SPTBN1: variants seen among roughly 807,000 people sequenced by gnomAD.
SPTBN1 encodes spectrin beta chain, non-erythrocytic 1.
Under a neutral mutation model 266.4 loss-of-function variants are expected in SPTBN1, and 32 were observed. That is an observed-to-expected ratio of 0.12 (90% CI 0.09 to 0.16). The LOEUF is 0.16. Ranked by LOEUF, SPTBN1 falls within the 10% of genes least tolerant of loss-of-function variation. The probability of loss-of-function intolerance (pLI) is 1.00; values close to 1 mark genes in which losing one functional copy is unlikely to be tolerated. For missense variants in SPTBN1, 2,296 were observed against 3,067.1 expected (o/e 0.75, Z 5.94); for synonymous variants, 1,336 against 1,162.2 (o/e 1.15, Z -3.04).
intron 2 of SPTBN1, among the ~76,000 whole-genome samples, chr2:54,576,055 C>CTTTTT (rs71408771): frequency 5.3e-5 from 1 of 18,734 alleles, no homozygotes; most frequent in Non-Finnish European, 1.1e-4. Flanking sequence ...TCAGATCCAG[C>CTTTTT]TTTTTTTTTT....
intron 26 of SPTBN1, among the ~76,000 whole-genome samples, chr2:54,651,318 G>A (rs1390818437): frequency 6.6e-6 from 1 of 152,146 alleles, no homozygotes; most frequent in African/African-American, 2.4e-5. Flanking sequence ...AACATCCAGG[G>A]TGGGAATCTC....
Position 54,653,652 on chromosome 2 carries a change from A to T in SPTBN1, c.5621A>T (p.Tyr1874Phe), listed in dbSNP as rs1294160356. The T allele has an allele frequency of 6.2e-7, 1 of 1,614,094 alleles. No homozygotes were observed. The highest frequency in any genetic ancestry group is 8.5e-7 in the Non-Finnish European group (1 of 1,180,014). Residue 1874 changes from tyrosine (Y) to phenylalanine (F), a missense_variant, in exon 27 of 36, where the codon TAT becomes TTT. Coordinates refer to ENST00000356805, the MANE Select transcript of SPTBN1 (RefSeq NM_003128.3). This position sits in a 1 kb window ranked among gnomAD's most constrained non-coding sequence, Gnocchi z 5.1. ...GATGCAGCCCGCCTCCAGGCGGCCTATGCGGGTGACAAGGCCGACGATATC... is the reference window on the plus strand; with the variant it reads ...GATGCAGCCCGCCTCCAGGCGGCCTTTGCGGGTGACAAGGCCGACGATATC... ...QEDAARLQAA[Y>F]AGDKADDIQK...
At chr2:54,491,937 C>T (rs1668706852) in intron 1 of SPTBN1, among the ~76,000 whole-genome samples, 2 of 152,040 alleles carry the variant, frequency 1.3e-5, no homozygotes, top group Non-Finnish European at 2.9e-5. Context: ...TTCTATTAGG[C>T]TTTGCAAATA....
intron 2 of SPTBN1, among the ~76,000 whole-genome samples, chr2:54,541,543 C>A (rs1671941450): frequency 6.6e-6 from 1 of 152,222 alleles, no homozygotes; most frequent in Admixed American, 6.5e-5. Flanking sequence ...TCGTAATCTT[C>A]AGGCATGCCC....
At chr2:54,654,933 G>A in intron 27 of SPTBN1, 137 bp from the exon 28 acceptor site, 2 of 1,236,932 alleles carry the variant, frequency 1.6e-6, no homozygotes, top group Non-Finnish European at 2.2e-6. Context: ...CTAAGCTCAG[G>A]GAGTGATTCA....
chr2:54,664,155 G>A lies in SPTBN1; in HGVS notation c.6421-298G>A. 1 of 267,234 alleles carries A rather than the reference G, an allele frequency of 3.7e-6. No homozygotes were observed. Among genetic ancestry groups the A allele is most frequent in the Non-Finnish European group, 7.0e-6 (1 of 142,498 alleles). The allele number at this position is 267,234 out of a possible 1,614,324, so 16.6% of individuals were successfully genotyped here. ...GTTACTGTTGTCTTTTTGTTTTAAA[G>A]TAACCATAAGAGGAGATGATCTGAG... On this transcript the variant is annotated intron_variant, in intron 32 of 35. Coordinates refer to ENST00000356805, the MANE Select transcript of SPTBN1 (RefSeq NM_003128.3). The surrounding 1 kb of genome is among the most constrained non-coding windows in gnomAD (Gnocchi z 5.6).
chr2:54,578,455 AGCT>A (rs147088727), intron 2 of SPTBN1, among the ~76,000 whole-genome samples: 3 of 152,070 alleles, frequency 2.0e-5, no homozygotes, highest in East Asian at 1.9e-4. Context: ...GTTTCCGGTT[AGCT>A]GCTGCTGCTG....
chr2:54,559,841 G>T (rs1437537694), intron 2 of SPTBN1, among the ~76,000 whole-genome samples: 1 of 152,202 alleles, frequency 6.6e-6, no homozygotes, highest in Non-Finnish European at 1.5e-5. Context: ...TGCTGCAAAT[G>T]TGGTTCCTGT....
intron 1 of SPTBN1, among the ~76,000 whole-genome samples, chr2:54,493,161 A>G (rs1462910607): frequency 1.3e-5 from 2 of 151,528 alleles, no homozygotes; most frequent in Admixed American, 6.6e-5. Flanking sequence ...ACACACCACC[A>G]TGCCTGGCTG....
At chr2:54,635,835 A>T (rs1333113241) in intron 17 of SPTBN1, among the ~76,000 whole-genome samples, 2 of 152,260 alleles carry the variant, frequency 1.3e-5, no homozygotes, top group African/African-American at 4.8e-5. Flanking sequence ...ACTCCCCTAG[A>T]AATAGAACTG....
At chr2:54,654,745 T>A (rs1181981267) in intron 27 of SPTBN1, among the ~76,000 whole-genome samples, 1 of 152,250 alleles carries the variant, frequency 6.6e-6, no homozygotes, top group Non-Finnish European at 1.5e-5. Flanking sequence ...TCTTTCTGAC[T>A]TGCATTTCAA....
chr2:54,463,447 T>G (rs1693469557), intron 1 of SPTBN1, among the ~76,000 whole-genome samples: 3 of 152,204 alleles, frequency 2.0e-5, no homozygotes, highest in Admixed American at 1.3e-4. Context: ...GAGAGGCTGA[T>G]GGGAGGCTTT....
chr2:54,595,302 G>C (rs974385866), intron 2 of SPTBN1, among the ~76,000 whole-genome samples: 3 of 152,192 alleles, frequency 2.0e-5, no homozygotes, highest in African/African-American at 7.2e-5. Flanking sequence ...TTAGTAAACT[G>C]CGGGAGGGTG....
chr2:54,654,980 GT>G, intron 27 of SPTBN1, 89 bp from the exon 28 acceptor site: 1 of 1,038,344 alleles, frequency 9.6e-7, no homozygotes. Flanking sequence ...AAGGCCATCA[GT>G]TTCTTTCAAA....
intron 2 of SPTBN1, among the ~76,000 whole-genome samples, chr2:54,543,768 T>C (rs1045712204): frequency 1.3e-5 from 2 of 152,078 alleles, no homozygotes; most frequent in Admixed American, 6.6e-5. Flanking sequence ...AAACTTTTGA[T>C]AAATTGGTCC....
Position 54,653,650 on chromosome 2 carries a change from C to G in SPTBN1, c.5619C>G (p.Ala1873=), listed in dbSNP as rs144752180. The G allele has an allele frequency of 2.1e-5, 34 of 1,614,060 alleles. No individual in the cohort carries two copies. In the African/African-American group the frequency reaches 4.4e-4, roughly 21 times the overall value. Reference sequence around the variant, plus strand: ...AGGATGCAGCCCGCCTCCAGGCGGCCTATGCGGGTGACAAGGCCGACGATA... The same window carrying G: ...AGGATGCAGCCCGCCTCCAGGCGGCGTATGCGGGTGACAAGGCCGACGATA... ...LQEDAARLQA[A]YAGDKADDIQ... Residue 1873 remains alanine (A), a synonymous_variant, in exon 27 of 36, where the codon GCC becomes GCG. Coordinates refer to ENST00000356805, the MANE Select transcript of SPTBN1 (RefSeq NM_003128.3). This position sits in a 1 kb window ranked among gnomAD's most constrained non-coding sequence, Gnocchi z 5.1.
intron 9 of SPTBN1, among the ~76,000 whole-genome samples, chr2:54,622,845 A>G (rs1388453049): frequency 6.6e-6 from 1 of 152,224 alleles, no homozygotes; most frequent in East Asian, 1.9e-4. Context: ...AAGACCCCAG[A>G]TGGGACTAAG....
At chr2:54,564,509 A>G (rs1673541431) in intron 2 of SPTBN1, among the ~76,000 whole-genome samples, 1 of 152,118 alleles carries the variant, frequency 6.6e-6, no homozygotes, top group African/African-American at 2.4e-5. Context: ...GCTCCGTGCA[A>G]ACATGTCTGG....
intron 1 of SPTBN1, among the ~76,000 whole-genome samples, chr2:54,483,571 C>G (rs370932298): frequency 2.0e-5 from 3 of 152,282 alleles, no homozygotes; most frequent in African/African-American, 4.8e-5. Context: ...CTTCCTGTCT[C>G]CTGCATTTCG....
Sources: gnomAD v4.1 joint callset for allele counts (sites outside exome capture counted in the v4.1 genomes callset) on GRCh38, gnomAD v4.1.1 for gene constraint, Gnocchi (gnomAD v3.1) non-coding constraint, MANE v1.5 for transcripts, NCBI Gene and HGNC (gene_info 2026-07-23, HGNC 2026-07-21) for gene names.